NAT1: variants seen among roughly 807,000 people sequenced by gnomAD.
The protein encoded by NAT1 is arylamine N-acetyltransferase 1.
For synonymous variants in NAT1, 144 were observed against 122.6 expected, an observed-to-expected ratio of 1.17 and a Z score of -1.16; for missense variants, 400 against 339.2, an observed-to-expected ratio of 1.18 and a Z score of -1.41.
chr8:18,183,743 A>G (rs1802613926), intron 2 of NAT1, among the ~76,000 whole-genome samples: 1 of 152,166 alleles, frequency 6.6e-6, no homozygotes, highest in Admixed American at 6.6e-5. Flanking sequence ...TGGGACAGGC[A>G]CAGGATAGAC....
intron 2 of NAT1, among the ~76,000 whole-genome samples, chr8:18,198,867 T>A (rs576682039): frequency 6.6e-6 from 1 of 152,290 alleles, no homozygotes; most frequent in African/African-American, 2.4e-5. Context: ...TAAAACAACT[T>A]GAGTAGGACT....
chr8:18,209,232 C>G (rs988461434), upstream of NAT1, among the ~76,000 whole-genome samples: 3 of 152,210 alleles, frequency 2.0e-5, no homozygotes, highest in African/African-American at 4.8e-5. Flanking sequence ...CAAGAGAAAG[C>G]CTTCGCATAG....
In NAT1 at chr8:18,222,448, C is replaced by A. The variant is rs1037552428; in HGVS notation, c.401C>A (p.Pro134His). Residue 134 changes from proline (P) to histidine (H), a missense_variant, in exon 3 of 3, where the codon CCT becomes CAT. Physicochemically the swap from Pro to His is moderately conservative, Grantham distance 77 (BLOSUM62 -2). Coordinates refer to ENST00000307719, the MANE Select transcript of NAT1 (RefSeq NM_000662.8). ...GFGRSYQMWQ[P>H]LELISGKDQP... is the part of the protein sequence containing the mutation. Reference sequence around the variant, plus strand: ...GGACGCTCATACCAGATGTGGCAGCCTCTGGAGTTAATTTCTGGGAAGGAT... The same window carrying A: ...GGACGCTCATACCAGATGTGGCAGCATCTGGAGTTAATTTCTGGGAAGGAT... The A allele has an allele frequency of 1.2e-6, 2 of 1,613,970 alleles. No individual in the cohort carries two copies. Among genetic ancestry groups the A allele is most frequent in the East Asian group, 2.2e-5 (1 of 44,880 alleles).
intron 2 of NAT1, among the ~76,000 whole-genome samples, chr8:18,182,670 G>C (rs117628880): frequency 1.3e-5 from 2 of 152,076 alleles, no homozygotes; most frequent in African/African-American, 4.8e-5. Flanking sequence ...ATGTTTTCTA[G>C]CAGAGTAATT....
intron 2 of NAT1, among the ~76,000 whole-genome samples, chr8:18,191,555 C>G (rs1201763901): frequency 2.0e-5 from 3 of 151,690 alleles, no homozygotes; most frequent in African/African-American, 7.3e-5. Flanking sequence ...GCCAAAAGAA[C>G]AAAGCTGGAG....
chr8:18,176,710 G>T (rs145342855), intron 2 of NAT1, among the ~76,000 whole-genome samples: 3,158 of 151,714 alleles, frequency 0.021, 47 homozygotes, highest in South Asian at 0.069. Context: ...GGTCTTTGTG[G>T]TTCCATATGC....
At chr8:18,221,968 T>C in intron 2 of NAT1, 74 bp from the exon 3 acceptor site, 1 of 1,388,620 alleles carries the variant, frequency 7.2e-7, no homozygotes, top group Non-Finnish European at 9.8e-7. Flanking sequence ...GTTTAAAATA[T>C]AGCCATAATT....
At chr8:18,185,279 G>A (rs1032134926) in intron 2 of NAT1, among the ~76,000 whole-genome samples, 1 of 152,150 alleles carries the variant, frequency 6.6e-6, no homozygotes, top group South Asian at 2.1e-4. Context: ...CATCTAGGCC[G>A]GATGTTCTGT....
At chr8:18,180,744 T>G (rs150092397) in intron 2 of NAT1, among the ~76,000 whole-genome samples, 3 of 152,304 alleles carry the variant, frequency 2.0e-5, no homozygotes, top group African/African-American at 7.2e-5. Context: ...CATATATATA[T>G]TAAAACATCA....
intron 2 of NAT1, among the ~76,000 whole-genome samples, chr8:18,184,190 C>A (rs1301003527): frequency 6.6e-6 from 1 of 152,174 alleles, no homozygotes; most frequent in Non-Finnish European, 1.5e-5. Flanking sequence ...AAATTCATGC[C>A]TCCTCAGCTC....
chr8:18,218,389 G>A (rs1197043136), intron 1 of NAT1, among the ~76,000 whole-genome samples: 1 of 152,090 alleles, frequency 6.6e-6, no homozygotes, highest in African/African-American at 2.4e-5. Context: ...TGGTACCTAC[G>A]GAGCATGTCA....
chr8:18,193,501 T>C (rs527905518), intron 2 of NAT1, among the ~76,000 whole-genome samples: 3 of 130,944 alleles, frequency 2.3e-5, no homozygotes, highest in Admixed American at 2.2e-4. Flanking sequence ...GATATATATA[T>C]ATATAATATA....
In NAT1 at chr8:18,223,292, TA is replaced by T. The variant is rs1563201850; in HGVS notation, c.*376del. ...AAAACTTATTGTCTATAAAGTATAT[TA>T]AAACATTGTTGGCTAATATAATTTG... On this transcript the variant is annotated 3_prime_UTR_variant, in exon 3 of 3. Transcript: ENST00000307719. 6.0e-6 allele frequency: 1 copy of T among 167,106 alleles called. No homozygotes were observed. The highest frequency in any genetic ancestry group is 1.5e-5 in the Non-Finnish European group (1 of 68,178). The allele number at this position is 167,106 out of a possible 1,614,324, so 10.4% of individuals were successfully genotyped here.
intron 1 of NAT1, among the ~76,000 whole-genome samples, chr8:18,218,885 G>A (rs147421664): frequency 6.6e-6 from 1 of 152,128 alleles, no homozygotes; most frequent in Non-Finnish European, 1.5e-5. Flanking sequence ...GCTATGACAA[G>A]AGATGCTCTG....
chr8:18,208,254 A>G (rs767533569), upstream of NAT1, among the ~76,000 whole-genome samples: 39 of 152,142 alleles, frequency 2.6e-4, no homozygotes, highest in Admixed American at 2.6e-4. Flanking sequence ...AAACCTGCAC[A>G]TCCTACACAT....
intron 2 of NAT1, among the ~76,000 whole-genome samples, chr8:18,185,156 C>T (rs896909879): frequency 2.6e-5 from 4 of 151,892 alleles, no homozygotes; most frequent in African/African-American, 4.8e-5. Flanking sequence ...GTTTGTGTAC[C>T]GACATTAGAT....
intron 2 of NAT1, among the ~76,000 whole-genome samples, chr8:18,220,606 G>A (rs750035408): frequency 1.3e-5 from 2 of 151,862 alleles, no homozygotes; most frequent in African/African-American, 2.4e-5. Flanking sequence ...GATAGCTTTC[G>A]GCTTCATTCA....
In NAT1 at chr8:18,200,001, T is replaced by C. The variant is rs1803396190; in HGVS notation, n.93-9780T>C. 2.6e-5 allele frequency among the ~76,000 whole-genome samples: 4 copies of C among 152,228 alleles called. No homozygotes were observed. The South Asian group carries it at 8.3e-4, about 32-fold the overall frequency. On this transcript the variant is annotated intron_variant and non_coding_transcript_variant, in intron 2 of 4. Transcript: ENST00000517441. ...CCAGTCAGAATGGCTAATATTAAAA[T>C]GTCAAAAAGTAACAGATGCTGGTGA... is the stretch of plus-strand genomic sequence containing the variant.
intron 1 of NAT1, among the ~76,000 whole-genome samples, 194 bp from the exon 2 acceptor site, chr8:18,219,217 C>T (rs1805022431): frequency 1.3e-5 from 2 of 152,174 alleles, no homozygotes; most frequent in Non-Finnish European, 2.9e-5. Flanking sequence ...TGTACCCCAT[C>T]AGCGTTGCAC....
Sources: allele counts gnomAD v4.1 joint callset (sites outside exome capture counted in the v4.1 genomes callset), GRCh38; gene constraint gnomAD v4.1.1; transcripts MANE v1.5; gene names NCBI Gene and HGNC (gene_info 2026-07-23, HGNC 2026-07-21).